The following IPCEF1 variants were observed in gnomAD, a reference collection of about 807,000 sequenced individuals.
The protein encoded by IPCEF1 is interactor protein for cytohesin exchange factors 1.
IPCEF1 carries 31 observed loss-of-function variants against 50.9 expected under a neutral mutation model. The ratio of observed to expected loss-of-function variants is 0.61; its 90% confidence interval spans 0.46 to 0.82. The LOEUF (loss-of-function observed/expected upper bound fraction) is 0.82. Among genes scored for constraint, IPCEF1 ranks in the 40% least tolerant of loss-of-function variants. The probability of loss-of-function intolerance (pLI) is 0.00; values close to 1 mark genes in which losing one functional copy is unlikely to be tolerated. For missense variants in IPCEF1, 458 were observed against 514.0 expected, an observed-to-expected ratio of 0.89 and a Z score of 1.05; for synonymous variants, 181 against 192.0, an observed-to-expected ratio of 0.94 and a Z score of 0.47.
At chr6:154,313,421 T>C (rs1437155588) in intron 1 of IPCEF1, among the ~76,000 whole-genome samples, 3 of 151,896 alleles carry the variant, frequency 2.0e-5, no homozygotes, top group African/African-American at 4.8e-5. Flanking sequence ...ACAGATTTCT[T>C]AGAGAGTTTA....
At chr6:154,233,506 A>G (rs759964674) in intron 5 of IPCEF1, among the ~76,000 whole-genome samples, 1 of 152,146 alleles carries the variant, frequency 6.6e-6, no homozygotes, top group Non-Finnish European at 1.5e-5. Context: ...TCTTACAAAC[A>G]CCTAGAAATA....
intron 1 of IPCEF1, among the ~76,000 whole-genome samples, chr6:154,348,648 A>G (rs972921032): frequency 6.6e-6 from 1 of 152,178 alleles, no homozygotes; most frequent in African/African-American, 2.4e-5. Context: ...GTCAGGATGG[A>G]AAAAGAGGTT....
chr6:154,185,415 G>C (rs1321527375), intron 10 of IPCEF1, among the ~76,000 whole-genome samples: 1 of 152,158 alleles, frequency 6.6e-6, no homozygotes, highest in African/African-American at 2.4e-5. Flanking sequence ...AAAAGTTAGA[G>C]TTTAGATTGT....
At chr6:154,165,100 C>G (rs1799322103) in intron 11 of IPCEF1, among the ~76,000 whole-genome samples, 1 of 152,198 alleles carries the variant, frequency 6.6e-6, no homozygotes, top group Admixed American at 6.5e-5. Context: ...TACTTTGGAG[C>G]TTTTAAAACA....
chr6:154,223,155 T>C lies in IPCEF1; in HGVS notation c.320+15A>G, dbSNP rs544446506. 7.5e-6 allele frequency: 12 copies of C among 1,602,336 alleles called. No homozygotes were observed. In the Admixed American group the frequency reaches 1.3e-4, roughly 18 times the overall value. On this transcript the variant is annotated intron_variant, in intron 6 of 11. Transcript: ENST00000367220. ...TCCTGGCTCAGAGTTTTGTGGAAGA[T>C]GAGAGACAACTTACTGCTTTTTCTT...
chr6:154,315,192 G>A (rs1035864375), intron 1 of IPCEF1, among the ~76,000 whole-genome samples: 5 of 152,110 alleles, frequency 3.3e-5, no homozygotes, highest in Non-Finnish European at 7.4e-5. Flanking sequence ...CCACTAGTGT[G>A]ATTACTTGAT....
At chr6:154,169,099 G>T (rs922382606) in intron 10 of IPCEF1, among the ~76,000 whole-genome samples, 1 of 149,954 alleles carries the variant, frequency 6.7e-6, no homozygotes, top group Non-Finnish European at 1.5e-5. Flanking sequence ...GGTGGCTCAC[G>T]CCTGTAATCC....
intron 2 of IPCEF1, among the ~76,000 whole-genome samples, chr6:154,283,177 T>C (rs116796281): frequency 0.034 from 5,039 of 148,560 alleles, 262 homozygotes; most frequent in African/African-American, 0.12. Flanking sequence ...AGGCCTATAA[T>C]CCTACTCAGG....
chr6:154,233,097 T>G (rs962566809), intron 5 of IPCEF1, among the ~76,000 whole-genome samples: 1 of 151,966 alleles, frequency 6.6e-6, no homozygotes, highest in African/African-American at 2.4e-5. Context: ...GACCCCCAAG[T>G]AGCTGGGGTT....
chr6:154,350,026 T>G (rs1163778012), intron 1 of IPCEF1, among the ~76,000 whole-genome samples: 1 of 152,176 alleles, frequency 6.6e-6, no homozygotes, highest in African/African-American at 2.4e-5. Flanking sequence ...ACAGGGAAAC[T>G]CAAGAATATG....
chr6:154,339,102 A>G (rs1421919470), intron 1 of IPCEF1, among the ~76,000 whole-genome samples: 1 of 152,032 alleles, frequency 6.6e-6, no homozygotes, highest in Non-Finnish European at 1.5e-5. Context: ...TTAAAAACCC[A>G]CCTGTAACTG....
At chr6:154,320,398 A>G (rs766052651) in intron 1 of IPCEF1, among the ~76,000 whole-genome samples, 1 of 152,240 alleles carries the variant, frequency 6.6e-6, no homozygotes, top group Non-Finnish European at 1.5e-5. Context: ...AAATAAAAAG[A>G]GATGAGACTC....
chr6:154,233,319 T>C (rs1329392017), intron 5 of IPCEF1, among the ~76,000 whole-genome samples: 1 of 152,332 alleles, frequency 6.6e-6, no homozygotes, highest in East Asian at 1.9e-4. Flanking sequence ...CTCTTTTCTT[T>C]GCATCAGATT....
chr6:154,305,046 G>A (rs112776213), intron 1 of IPCEF1, among the ~76,000 whole-genome samples: 5,878 of 151,960 alleles, frequency 0.039, 140 homozygotes, highest in Middle Eastern at 0.12. Context: ...CCCAGGAGGC[G>A]GAGGTTGCAG....
At chr6:154,262,840 A>C (rs9397185) in intron 3 of IPCEF1, among the ~76,000 whole-genome samples, 2 of 148,010 alleles carry the variant, frequency 1.4e-5, no homozygotes, top group Admixed American at 6.8e-5. Flanking sequence ...GCAGTGATGC[A>C]ATCTCAGCTC....
chr6:154,249,555 T>C (rs1013398534), intron 3 of IPCEF1, among the ~76,000 whole-genome samples: 4 of 152,038 alleles, frequency 2.6e-5, no homozygotes, highest in Non-Finnish European at 5.9e-5. Context: ...AGGCCTCCAA[T>C]GAACAAGATG....
chr6:154,172,718 C>T (rs573852433), intron 10 of IPCEF1, among the ~76,000 whole-genome samples: 27 of 152,372 alleles, frequency 1.8e-4, no homozygotes, highest in African/African-American at 6.5e-4. Flanking sequence ...TAGATTCCAC[C>T]TCTGGGGGCA....
intron 7 of IPCEF1, among the ~76,000 whole-genome samples, chr6:154,219,560 G>GCT (rs1278091571): frequency 6.6e-6 from 1 of 152,120 alleles, no homozygotes. Context: ...GTGCTAGCGG[G>GCT]CGAGACCTTG....
intron 9 of IPCEF1, among the ~76,000 whole-genome samples, chr6:154,212,489 C>T (rs1389276952): frequency 1.3e-5 from 2 of 152,192 alleles, no homozygotes; most frequent in Admixed American, 6.5e-5. Flanking sequence ...GAAGTCTTTG[C>T]AAGCACTGGC....
Sources: allele counts gnomAD v4.1 joint callset (sites outside exome capture counted in the v4.1 genomes callset), GRCh38; gene constraint gnomAD v4.1.1; transcripts MANE v1.5; gene names NCBI Gene and HGNC (gene_info 2026-07-23, HGNC 2026-07-21).